Variants in ARFGEF2 observed in about 807,000 individuals in gnomAD.
ARFGEF2 encodes the protein ARF guanine nucleotide exchange factor 2.
In ARFGEF2, 74 loss-of-function variants were observed where a neutral mutation model predicts 219.9. That is an observed-to-expected ratio of 0.34 (90% CI 0.28 to 0.41). The LOEUF is 0.41. Ranked by LOEUF, ARFGEF2 falls within the 10% of genes least tolerant of loss-of-function variation. The probability of loss-of-function intolerance (pLI) is 1.00; values close to 1 mark genes in which losing one functional copy is unlikely to be tolerated. For missense variants in ARFGEF2, 1,743 were observed against 2,218.3 expected, an observed-to-expected ratio of 0.79 and a Z score of 4.30; for synonymous variants, 733 against 799.2, an observed-to-expected ratio of 0.92 and a Z score of 1.40.
chr20:48,922,515 T>A (rs1392917405), intron 1 of ARFGEF2, among the ~76,000 whole-genome samples: 1 of 152,240 alleles, frequency 6.6e-6, no homozygotes, highest in Non-Finnish European at 1.5e-5. Context: ...GGAAGGATTG[T>A]AGAAGGTGTT....
At position 48,952,976 on chromosome 20, in the gene ARFGEF2, C is replaced by G. The variant is rs2091080715; in HGVS notation, c.603+92C>G. The G allele has an allele frequency of 3.8e-6, 5 of 1,319,376 alleles. No individual in the cohort carries two copies. In the South Asian group the frequency reaches 6.0e-5, roughly 16 times the overall value. 81.7% of individuals were successfully genotyped at this position (1,319,376 alleles called of 1,614,324 possible). On this transcript the variant is annotated intron_variant, in intron 5 of 38. Coordinates refer to ENST00000371917, the MANE Select transcript of ARFGEF2 (RefSeq NM_006420.3). ...CTTGGTGCCTGTGAAGAATCACTAG[C>G]ATTTTAAAGCTACCCCTTCTTCCTG...
chr20:49,000,777 G>C (rs1280018436), intron 25 of ARFGEF2, among the ~76,000 whole-genome samples: 3 of 152,160 alleles, frequency 2.0e-5, no homozygotes, highest in African/African-American at 7.2e-5. Flanking sequence ...TTTGGTAAAC[G>C]TTTTCCCAAC....
chr20:48,964,204 C>T (rs966792422), intron 7 of ARFGEF2, among the ~76,000 whole-genome samples: 5 of 152,130 alleles, frequency 3.3e-5, no homozygotes, highest in African/African-American at 1.2e-4. Context: ...GTCAGGAGTT[C>T]AAGACCAGCC....
rs2091251210 is a variant in ARFGEF2 at position 48,974,871 on chromosome 20, C to T, written c.1771C>T (p.Leu591Phe). 2 of 1,612,752 alleles carry T rather than the reference C, an allele frequency of 1.2e-6. No homozygotes were observed. The highest frequency in any genetic ancestry group is 8.5e-7 in the Non-Finnish European group (1 of 1,179,242). ...LYVNPNHQTS[L>F]GQERLTDQEI... is the part of the protein sequence containing the mutation. ...TGTGAATCCCAACCACCAGACCAGCCTCGGTGAGACAGCATTGCTGCCACA... is the reference window on the plus strand; with the variant it reads ...TGTGAATCCCAACCACCAGACCAGCTTCGGTGAGACAGCATTGCTGCCACA... Residue 591 changes from leucine (L) to phenylalanine (F), a missense_variant, in exon 13 of 39, where the codon CTC becomes TTC. Around this residue, in one of 5 missense-constraint regions of ARFGEF2, gnomAD observed 666 missense variants for 955.4 expected, o/e 0.70. Transcript: ENST00000371917.
Position 49,028,648 on chromosome 20 carries a change from A to G in ARFGEF2, c.5043A>G (p.Glu1681=). 6.2e-7 allele frequency: 1 copy of G among 1,614,206 alleles called. No individual in the cohort carries two copies. Among genetic ancestry groups the G allele is most frequent in the Non-Finnish European group, 8.5e-7 (1 of 1,180,032 alleles). ...AGAACCGCAGGGATTCCTGGGAAGA[A>G]ATACAGCAGAGACTTTTAACGTAAG... is the stretch of plus-strand genomic sequence containing the variant. ...VDENRRDSWE[E]IQQRLLTVCS... is the part of the protein sequence containing the mutation. The change falls in exon 37 of 39, where the codon GAA becomes GAG. Residue 1681 remains glutamate (E), a synonymous_variant. Coordinates refer to ENST00000371917, the MANE Select transcript of ARFGEF2 (RefSeq NM_006420.3).
intron 1 of ARFGEF2, among the ~76,000 whole-genome samples, chr20:48,922,753 A>C (rs373010334): frequency 9.9e-5 from 15 of 152,244 alleles, no homozygotes; most frequent in Non-Finnish European, 2.1e-4. Flanking sequence ...TAAAGGCTTG[A>C]TAATTGATAG....
At chr20:49,019,887 T>C (rs542822571) in intron 34 of ARFGEF2, among the ~76,000 whole-genome samples, 1 of 152,354 alleles carries the variant, frequency 6.6e-6, no homozygotes, top group African/African-American at 2.4e-5. Flanking sequence ...TTTTCTGATA[T>C]GAGTTTCAAA....
At chr20:49,012,787 A>G (rs964395841) in intron 28 of ARFGEF2, among the ~76,000 whole-genome samples, 2 of 152,160 alleles carry the variant, frequency 1.3e-5, no homozygotes, top group African/African-American at 2.4e-5. Flanking sequence ...CTGTATGTTG[A>G]TTCATTTAGT....
rs953490132 is a variant in ARFGEF2, at chr20:48,951,382, G to A, written c.336G>A (p.Lys112=). Residue 112 remains lysine (K), a synonymous_variant, in exon 4 of 39, where the codon AAG becomes AAA. Coordinates refer to ENST00000371917, the MANE Select transcript of ARFGEF2 (RefSeq NM_006420.3). ...CCCCTGACAGTGGAGCCCCTGGGAA[G>A]CGGCTGATCGACAGAATTGTTGAAA... ...GNAPDSGAPG[K]RLIDRIVETI... 6.2e-7 allele frequency: 1 copy of A among 1,614,256 alleles called. No individual in the cohort carries two copies.
At chr20:48,927,067 G>A (rs6019537) in intron 1 of ARFGEF2, among the ~76,000 whole-genome samples, 93,805 of 151,918 alleles carry the variant, frequency 0.62, 29,112 homozygotes, top group African/African-American at 0.68. Flanking sequence ...AGCATAGTCA[G>A]CTCTCCCAAA....
intron 4 of ARFGEF2, among the ~76,000 whole-genome samples, chr20:48,952,416 G>A (rs1207288553): frequency 6.6e-6 from 1 of 152,060 alleles, no homozygotes; most frequent in Non-Finnish European, 1.5e-5. Flanking sequence ...CTGGCTGGAA[G>A]TTTGGCTTTT....
intron 7 of ARFGEF2, among the ~76,000 whole-genome samples, chr20:48,964,966 G>C (rs1364881728): frequency 6.6e-6 from 1 of 152,150 alleles, no homozygotes; most frequent in Non-Finnish European, 1.5e-5. Context: ...CTGGGATACA[G>C]TTTTATAAAT....
intron 36 of ARFGEF2, among the ~76,000 whole-genome samples, chr20:49,027,121 T>C (rs2091608392): frequency 6.6e-6 from 1 of 151,764 alleles, no homozygotes; most frequent in Non-Finnish European, 1.5e-5. Context: ...AGTCTCACTC[T>C]GTTGCTAGGC....
At chr20:48,952,951 C>CTG (rs1194042417) in intron 5 of ARFGEF2, 67 bp downstream of exon 5, 2 of 1,534,542 alleles carry the variant, frequency 1.3e-6, no homozygotes, top group East Asian at 4.5e-5. Context: ...CATGTGTGAC[C>CTG]TTGGTGCCTG....
rs1321122767 is a variant in ARFGEF2, at chr20:48,973,058, G to A, written c.1526-87G>A. ...CCACCGGAGTCTGTAGTTCACTGGGGAAATTTGTTGGCAAACATCTTGTTT... is the reference window on the plus strand; with the variant it reads ...CCACCGGAGTCTGTAGTTCACTGGGAAAATTTGTTGGCAAACATCTTGTTT... On this transcript the variant is annotated intron_variant, in intron 11 of 38. Coordinates refer to ENST00000371917, the MANE Select transcript of ARFGEF2 (RefSeq NM_006420.3). The A allele has an allele frequency of 2.0e-6, 3 of 1,520,538 alleles. No homozygotes were observed. In the African/African-American group the frequency reaches 4.1e-5, roughly 21 times the overall value. 94.2% of individuals were successfully genotyped at this position (1,520,538 alleles called of 1,614,324 possible).
At chr20:48,981,876 A>T (rs1334755361) in intron 14 of ARFGEF2, among the ~76,000 whole-genome samples, 4 of 152,092 alleles carry the variant, frequency 2.6e-5, no homozygotes, top group Non-Finnish European at 5.9e-5. Context: ...CTAGTTAGCC[A>T]TTCGTCTAAT....
chr20:48,985,741 C>A, intron 16 of ARFGEF2, 128 bp downstream of exon 16: 1 of 996,830 alleles, frequency 1.0e-6, no homozygotes, highest in Non-Finnish European at 1.5e-6. Context: ...TTACCGTGTG[C>A]CAGGCACTGT....
intron 38 of ARFGEF2, 75 bp downstream of exon 38, chr20:49,032,241 AG>A: frequency 9.7e-7 from 1 of 1,034,426 alleles, no homozygotes; most frequent in Non-Finnish European, 1.5e-6. Context: ...AAGAGTTTGC[AG>A]TAACTATTTT....
intron 37 of ARFGEF2, among the ~76,000 whole-genome samples, chr20:49,030,712 T>C (rs2091629217): frequency 6.6e-6 from 1 of 152,076 alleles, no homozygotes; most frequent in South Asian, 2.1e-4. Flanking sequence ...AAAGGAGATA[T>C]GTAGGGCCGG....
Sources: gnomAD v4.1 joint callset for allele counts (sites outside exome capture counted in the v4.1 genomes callset) on GRCh38, gnomAD v4.1.1 for gene constraint, gnomAD v4.1.1 regional missense constraint, MANE v1.5 for transcripts, NCBI Gene and HGNC (gene_info 2026-07-23, HGNC 2026-07-21) for gene names.